MACROD2: variants seen among roughly 807,000 people sequenced by gnomAD.
MACROD2 encodes ADP-ribose glycohydrolase MACROD2.
In MACROD2, 36 loss-of-function variants were observed where a neutral mutation model predicts 70.4. That is an observed-to-expected ratio of 0.51 (90% CI 0.39 to 0.68). MACROD2 has a LOEUF of 0.68. Ranked by LOEUF, MACROD2 falls within the 30% of genes least tolerant of loss-of-function variation. The probability of loss-of-function intolerance (pLI) is 0.00; values close to 1 mark genes in which losing one functional copy is unlikely to be tolerated. For missense variants in MACROD2, 496 were observed against 538.4 expected (o/e 0.92, Z 0.78); for synonymous variants, 172 against 178.8 (o/e 0.96, Z 0.30).
chr20:15,811,534 A>T (rs969105148), intron 8 of MACROD2, among the ~76,000 whole-genome samples: 1 of 152,182 alleles, frequency 6.6e-6, no homozygotes, highest in African/African-American at 2.4e-5. Flanking sequence ...TATTGCTAAC[A>T]ACTACCCCAA....
chr20:15,585,900 GTGCTGCAA>G (rs1277428124), intron 8 of MACROD2, among the ~76,000 whole-genome samples: 1 of 152,064 alleles, frequency 6.6e-6, no homozygotes, highest in African/African-American at 2.4e-5. Flanking sequence ...AAACCTCATA[GTGCTGCAA>G]TGCCTTTCCT....
intron 3 of MACROD2, among the ~76,000 whole-genome samples, chr20:14,359,701 T>C (rs2083204442): frequency 6.6e-6 from 1 of 151,972 alleles, no homozygotes; most frequent in African/African-American, 2.4e-5. Flanking sequence ...GTAAAACCCG[T>C]CTCTACAAAC....
intron 8 of MACROD2, among the ~76,000 whole-genome samples, chr20:15,692,118 C>T (rs1032388124): frequency 2.6e-5 from 4 of 152,050 alleles, no homozygotes; most frequent in East Asian, 1.9e-4. Context: ...GCTCATTGTA[C>T]GTTAAGCAGC....
chr20:14,692,995 T>C (rs2071081221), intron 5 of MACROD2, among the ~76,000 whole-genome samples: 1 of 152,238 alleles, frequency 6.6e-6, no homozygotes, highest in South Asian at 2.1e-4. Context: ...AGTGTAGAAT[T>C]AAACAGCTGT....
At chr20:15,867,843 T>G (rs1360242965) in intron 9 of MACROD2, among the ~76,000 whole-genome samples, 1 of 152,168 alleles carries the variant, frequency 6.6e-6, no homozygotes, top group East Asian at 1.9e-4. Context: ...TAAACCCTCC[T>G]TCACTCCTCC....
intron 7 of MACROD2, among the ~76,000 whole-genome samples, chr20:15,461,221 T>C (rs900023840): frequency 2.6e-5 from 4 of 151,712 alleles, no homozygotes; most frequent in African/African-American, 7.3e-5. Flanking sequence ...ATTCCAAGGA[T>C]GTTCTCTTTG....
In MACROD2 at chr20:14,448,931, G is replaced by A. The variant is rs2084215045; in HGVS notation, c.272-44548G>A. ...AGTATTGTATAACTCATTGAGGATT[G>A]ATCGGTATGTACCTTAAATCTTAAA... On this transcript the variant is annotated intron_variant, in intron 3 of 17. Coordinates refer to ENST00000684519, the MANE Select transcript of MACROD2 (RefSeq NM_001351661.2). Among the ~76,000 whole-genome samples, 2 of 152,036 alleles carry A rather than the reference G, an allele frequency of 1.3e-5. 1 individual carries two copies.
At chr20:14,400,887 A>G (rs943674713) in intron 3 of MACROD2, among the ~76,000 whole-genome samples, 3 of 152,142 alleles carry the variant, frequency 2.0e-5, no homozygotes, top group African/African-American at 4.8e-5. Flanking sequence ...AATGATCTAT[A>G]TTAATAATAT....
intron 5 of MACROD2, chr20:14,933,890 A>G (rs1348929909): frequency 6.6e-6 from 1 of 152,158 alleles, no homozygotes; most frequent in African/African-American, 2.4e-5. Context: ...AAACATACTT[A>G]TTTTGTTCTA....
intron 5 of MACROD2, among the ~76,000 whole-genome samples, chr20:14,799,673 T>C (rs6079566): frequency 0.76 from 115,664 of 151,882 alleles, 44,974 homozygotes; most frequent in Non-Finnish European, 0.81. Flanking sequence ...GCTCTGCTTC[T>C]TGGCCAGCTT....
At chr20:14,044,874 C>G (rs905599225) in intron 2 of MACROD2, among the ~76,000 whole-genome samples, 2 of 152,188 alleles carry the variant, frequency 1.3e-5, no homozygotes, top group African/African-American at 2.4e-5. Flanking sequence ...TGCCGTAGAG[C>G]AGGGAGTGGC....
chr20:16,038,532 G>GT (rs11481332), intron 15 of MACROD2, among the ~76,000 whole-genome samples: 40,549 of 143,848 alleles, frequency 0.28, 5,925 homozygotes, highest in African/African-American at 0.36. Context: ...TTTTTGTGGG[G>GT]TTTTTTTTTT....
chr20:14,826,574 G>A (rs2072905322), intron 5 of MACROD2, among the ~76,000 whole-genome samples: 1 of 152,034 alleles, frequency 6.6e-6, no homozygotes, highest in African/African-American at 2.4e-5. Context: ...TATCTATTGA[G>A]TTGCATTCTG....
chr20:15,575,598 A>G (rs1429182625), intron 8 of MACROD2, among the ~76,000 whole-genome samples: 1 of 152,132 alleles, frequency 6.6e-6, no homozygotes, highest in Non-Finnish European at 1.5e-5. Flanking sequence ...AGGAGAGGCA[A>G]CTTTTCTATA....
chr20:14,562,426 A>G (rs767522310), intron 4 of MACROD2, among the ~76,000 whole-genome samples: 4 of 151,920 alleles, frequency 2.6e-5, no homozygotes, highest in Non-Finnish European at 5.9e-5. Flanking sequence ...TTATACATCT[A>G]CCTACAACCA....
chr20:16,032,778 G>T (rs1448339863), intron 15 of MACROD2, among the ~76,000 whole-genome samples: 1 of 125,688 alleles, frequency 8.0e-6, no homozygotes, highest in Non-Finnish European at 1.7e-5. Flanking sequence ...AGGAAGAGAG[G>T]AAGGAAGGGC....
At chr20:15,433,762 A>T (rs1470961064) in intron 7 of MACROD2, among the ~76,000 whole-genome samples, 1 of 151,606 alleles carries the variant, frequency 6.6e-6, no homozygotes, top group Non-Finnish European at 1.5e-5. Flanking sequence ...CAAAAAAAAA[A>T]ATCTGGAGGC....
intron 8 of MACROD2, among the ~76,000 whole-genome samples, chr20:15,795,242 C>T (rs752142291): frequency 5.9e-5 from 9 of 151,900 alleles, no homozygotes; most frequent in East Asian, 1.9e-4. Flanking sequence ...CATAGGAGAA[C>T]GGTTAGTGGG....
chr20:15,540,406 G>A (rs1368225450), intron 8 of MACROD2, among the ~76,000 whole-genome samples: 1 of 152,194 alleles, frequency 6.6e-6, no homozygotes, highest in African/African-American at 2.4e-5. Context: ...GGATGGTGAG[G>A]CAAGGAATCA....
Sources: allele counts gnomAD v4.1 joint callset (sites outside exome capture counted in the v4.1 genomes callset), GRCh38; gene constraint gnomAD v4.1.1; transcripts MANE v1.5; gene names NCBI Gene and HGNC (gene_info 2026-07-23, HGNC 2026-07-21).